The following CYP2C19 variants were observed in gnomAD, a reference collection of about 807,000 sequenced individuals.
CYP2C19 encodes the protein cytochrome P450 family 2 subfamily C member 19.
Under a neutral mutation model 40.9 loss-of-function variants are expected in CYP2C19, and 59 were observed. The observed-to-expected ratio is 1.44, with a 90% CI of 1.17 to 1.79. CYP2C19 has a LOEUF of 1.79. Among genes scored for constraint, CYP2C19 ranks in the 40% most tolerant of loss-of-function variants. The pLI is 0.00. For missense variants in CYP2C19, 754 were observed against 596.9 expected (o/e 1.26, Z -2.74); for synonymous variants, 253 against 208.7 (o/e 1.21, Z -1.83).
At chr10:94,840,893 CT>C (rs1400605174) in intron 6 of CYP2C19, among the ~76,000 whole-genome samples, 1 of 152,230 alleles carries the variant, frequency 6.6e-6, no homozygotes, top group Non-Finnish European at 1.5e-5. Context: ...TCATTTTTAA[CT>C]GGCCGACAGG....
At chr10:94,833,583 T>C (rs964926560) in intron 6 of CYP2C19, among the ~76,000 whole-genome samples, 1 of 152,134 alleles carries the variant, frequency 6.6e-6, no homozygotes, top group Non-Finnish European at 1.5e-5. Context: ...ATTAAGAAAA[T>C]GTGGCACATA....
At chr10:94,823,927 A>C (rs927508523) in intron 6 of CYP2C19, among the ~76,000 whole-genome samples, 1 of 152,204 alleles carries the variant, frequency 6.6e-6, no homozygotes, top group Non-Finnish European at 1.5e-5. Context: ...GAAAACAACT[A>C]CTTCAGAATG....
chr10:94,797,968 G>T (rs1010803238), intron 5 of CYP2C19, among the ~76,000 whole-genome samples: 1 of 151,886 alleles, frequency 6.6e-6, no homozygotes, highest in Non-Finnish European at 1.5e-5. Context: ...TTTTTTTAAA[G>T]GGTTTTTTGT....
At chr10:94,849,625 TC>T (rs1461085780) in intron 7 of CYP2C19, among the ~76,000 whole-genome samples, 3 of 86,716 alleles carry the variant, frequency 3.5e-5, no homozygotes, top group South Asian at 4.8e-4. Context: ...ATGCTATCCC[TC>T]CCCCCTCCCC....
chr10:94,777,581 G>A (rs1300292238), intron 3 of CYP2C19, among the ~76,000 whole-genome samples: 3 of 152,130 alleles, frequency 2.0e-5, no homozygotes, highest in Non-Finnish European at 4.4e-5. Context: ...AATGGTGTTG[G>A]ACAAACTGTC....
chr10:94,818,801 G>A (rs1237927698), intron 5 of CYP2C19, among the ~76,000 whole-genome samples: 4 of 150,866 alleles, frequency 2.7e-5, no homozygotes, highest in Non-Finnish European at 5.9e-5. Flanking sequence ...CTGAGACGAT[G>A]GGGTTTTCTA....
rs548752811 is a variant in CYP2C19, at chr10:94,845,846, C to A, written c.1149+2822C>A. On this transcript the variant is annotated intron_variant, in intron 7 of 8. Coordinates refer to ENST00000371321, the MANE Select transcript of CYP2C19 (RefSeq NM_000769.4). ...ACTTAGTGGGTAGAATTTTTCATCA[C>A]CTTTGTATTATAAAATTTTTAAGAA... Among the ~76,000 whole-genome samples, 104 of 151,870 alleles carry A rather than the reference C, an allele frequency of 6.8e-4. 1 individual carries two copies. The highest frequency in any genetic ancestry group is 1.6e-3 in the Admixed American group (24 of 15,226).
intron 1 of CYP2C19, chr10:94,774,799 T>TA: frequency 2.1e-6 from 1 of 466,282 alleles, no homozygotes; most frequent in East Asian, 3.8e-5. Flanking sequence ...ATAGAGCAAA[T>TA]AGACCTGCTG....
At chr10:94,845,047 A>T (rs1005059241) in intron 7 of CYP2C19, among the ~76,000 whole-genome samples, 1 of 152,194 alleles carries the variant, frequency 6.6e-6, no homozygotes, top group Non-Finnish European at 1.5e-5. Flanking sequence ...TCCCTTCTTC[A>T]TGGAACAGCC....
chr10:94,807,082 C>T (rs1008562282), intron 5 of CYP2C19, among the ~76,000 whole-genome samples: 3 of 152,076 alleles, frequency 2.0e-5, no homozygotes, highest in Admixed American at 6.6e-5. Flanking sequence ...CCATTCTGTT[C>T]TCTATTTCTG....
intron 5 of CYP2C19, among the ~76,000 whole-genome samples, chr10:94,798,969 G>C (rs1406899960): frequency 2.0e-5 from 3 of 151,856 alleles, no homozygotes; most frequent in Non-Finnish European, 4.4e-5. Context: ...TTTACAGTGT[G>C]TGGCTTTTAA....
At chr10:94,826,893 C>G (rs1305304613) in intron 6 of CYP2C19, among the ~76,000 whole-genome samples, 7 of 151,582 alleles carry the variant, frequency 4.6e-5, no homozygotes, top group Admixed American at 6.6e-5. Context: ...TGTCAAAGGC[C>G]TTTTCTGCAT....
At chr10:94,842,720 A>C in intron 6 of CYP2C19, 117 bp from the exon 7 acceptor site, 10 of 1,114,292 alleles carry the variant, frequency 9.0e-6, no homozygotes, top group African/African-American at 1.5e-5. Context: ...CCAGCACTAT[A>C]ATTTAAATTT....
chr10:94,817,000 C>A, intron 5 of CYP2C19, among the ~76,000 whole-genome samples: 1 of 109,252 alleles, frequency 9.2e-6, no homozygotes, highest in African/African-American at 3.3e-5. Flanking sequence ...TGGGTTGGTT[C>A]CAAGTCTTTG....
chr10:94,853,245 C>G lies in CYP2C19; in HGVS notation c.*331C>G. ...TTCTCTGCATGTTCTAAACAAAAAG[C>G]ATTATTATTTGCTGAGTCAGGTTAT... On this transcript the variant is annotated 3_prime_UTR_variant, in exon 9 of 9. Coordinates refer to ENST00000371321, the MANE Select transcript of CYP2C19 (RefSeq NM_000769.4). 1 of 367,104 alleles carries G rather than the reference C, an allele frequency of 2.7e-6. No homozygotes were observed. The highest frequency in any genetic ancestry group is 4.5e-5 in the Admixed American group (1 of 22,210). The allele number at this position is 367,104 out of a possible 1,614,324, so 22.7% of individuals were successfully genotyped here. A position where few individuals can be genotyped will look rare whatever the true frequency, so the allele number is the denominator to read the frequency against.
intron 5 of CYP2C19, among the ~76,000 whole-genome samples, chr10:94,790,398 G>A (rs893380578): frequency 3.9e-5 from 6 of 152,134 alleles, no homozygotes; most frequent in Non-Finnish European, 8.8e-5. Context: ...TAGGAGTGGT[G>A]AGAGAGGGCA....
At chr10:94,826,675 G>T (rs535781619) in intron 6 of CYP2C19, among the ~76,000 whole-genome samples, 3,522 of 152,164 alleles carry the variant, frequency 0.023, 49 homozygotes, top group Non-Finnish European at 0.034. Context: ...AATTGCCCTG[G>T]CCAGAACTTC....
chr10:94,767,322 C>G (rs11596729), intron 1 of CYP2C19, among the ~76,000 whole-genome samples: 2 of 152,158 alleles, frequency 1.3e-5, no homozygotes, highest in Admixed American at 6.5e-5. Context: ...TGGAAATTCC[C>G]TAAGTTATTA....
intron 4 of CYP2C19, among the ~76,000 whole-genome samples, chr10:94,781,068 A>G (rs537120019): frequency 5.3e-5 from 8 of 152,280 alleles, no homozygotes; most frequent in African/African-American, 1.7e-4. Flanking sequence ...AATCTAAAAG[A>G]CATTATCTCC....
Sources: allele counts gnomAD v4.1 joint callset (sites outside exome capture counted in the v4.1 genomes callset), GRCh38; gene constraint gnomAD v4.1.1; transcripts MANE v1.5; gene names NCBI Gene and HGNC (gene_info 2026-07-23, HGNC 2026-07-21).